Variants in FGF14 observed in about 807,000 individuals in gnomAD.
FGF14 encodes the protein fibroblast growth factor 14, also known as fibroblast growth factor homologous factor 4.
A neutral mutation model predicts 25.5 loss-of-function variants in FGF14; 5 were observed. The observed-to-expected ratio is 0.20, with a 90% CI of 0.10 to 0.41. FGF14 has a LOEUF of 0.41. Among genes scored for constraint, FGF14 ranks in the 10% least tolerant of loss-of-function variants. The probability of loss-of-function intolerance (pLI) is 1.00; values close to 1 mark genes in which losing one functional copy is unlikely to be tolerated. For missense variants in FGF14, 222 were observed against 320.1 expected (o/e 0.69, Z 2.34); for synonymous variants, 138 against 118.3 (o/e 1.17, Z -1.08).
chr13:101,893,924 C>A lies in FGF14; in HGVS notation c.194-18628G>T, dbSNP rs115075121. 9.7e-3 allele frequency among the ~76,000 whole-genome samples: 1,483 copies of A among 152,134 alleles called. 29 individuals carry two copies. The highest frequency in any genetic ancestry group is 0.034 in the African/African-American group (1,413 of 41,490). On this transcript the variant is annotated intron_variant, in intron 1 of 4. Transcript: ENST00000376143. ...ATTCTTAGCATCTCATGGGGAGGGT[C>A]TGTGTTTTCTTTGACTCCCAGAGGC... is the stretch of plus-strand genomic sequence containing the variant.
At chr13:102,324,004 T>C (rs2056337694) in intron 1 of FGF14, among the ~76,000 whole-genome samples, 1 of 148,186 alleles carries the variant, frequency 6.7e-6, no homozygotes, top group African/African-American at 2.5e-5. Context: ...TGTGTGTGTG[T>C]GTTGCTGTAC....
intron 1 of FGF14, among the ~76,000 whole-genome samples, chr13:102,001,059 A>T (rs990395711): frequency 6.6e-6 from 1 of 152,152 alleles, no homozygotes; most frequent in Non-Finnish European, 1.5e-5. Flanking sequence ...GGAAACAGAG[A>T]GCATAAATAG....
intron 1 of FGF14, among the ~76,000 whole-genome samples, chr13:102,381,276 T>C (rs879272194): frequency 6.6e-6 from 1 of 152,312 alleles, no homozygotes; most frequent in Non-Finnish European, 1.5e-5. Context: ...GTGTTTGCTG[T>C]GGTCTAAATG....
chr13:101,780,906 C>T (rs2039449071), intron 3 of FGF14, among the ~76,000 whole-genome samples: 1 of 152,094 alleles, frequency 6.6e-6, no homozygotes, highest in African/African-American at 2.4e-5. Context: ...GCTCTAAGAG[C>T]TCCAGTGTCT....
At chr13:102,209,554 G>C (rs984455904) in intron 1 of FGF14, among the ~76,000 whole-genome samples, 1 of 152,220 alleles carries the variant, frequency 6.6e-6, no homozygotes, top group African/African-American at 2.4e-5. Context: ...GGGCCAGGCA[G>C]GTCCCTTTGG....
chr13:101,720,528 C>CTG lies in FGF14; in HGVS notation c.*2302_*2303insCA, dbSNP rs1491358179. The CTG allele has an allele frequency of 3.5e-3, 329 of 92,738 alleles. No individual in the cohort carries two copies. The highest frequency in any genetic ancestry group is 0.015 in the African/African-American group (319 of 21,272). The allele number at this position is 92,738 out of a possible 1,614,324, so 5.7% of individuals were successfully genotyped here. On this transcript the variant is annotated 3_prime_UTR_variant, in exon 5 of 5. Transcript: ENST00000376143. The stretch of plus-strand genomic sequence containing the variant: ...AGTAACAAATAGATGGGGGTGTTTG[C>CTG]TCTGTGTGTGTGTGTGTGTGTGTGT...
intron 1 of FGF14, among the ~76,000 whole-genome samples, chr13:101,960,481 T>C (rs1489726511): frequency 6.6e-6 from 1 of 152,148 alleles, no homozygotes; most frequent in African/African-American, 2.4e-5. Flanking sequence ...CTGAGGATAA[T>C]GGCTTCTAGC....
At chr13:102,030,740 A>C (rs1310884483) in intron 1 of FGF14, among the ~76,000 whole-genome samples, 1 of 152,014 alleles carries the variant, frequency 6.6e-6, no homozygotes, top group Admixed American at 6.6e-5. Context: ...CCTAGAGGAA[A>C]GGTGGCTGTG....
chr13:102,230,375 C>G (rs2051024915), intron 1 of FGF14, among the ~76,000 whole-genome samples: 1 of 152,194 alleles, frequency 6.6e-6, no homozygotes, highest in Admixed American at 6.5e-5. Flanking sequence ...AACCTTTGTC[C>G]TTAAGGAGCT....
rs183270314 is a variant in FGF14 at position 102,202,766 on chromosome 13, G to A, written c.208+198705C>T. On this transcript the variant is annotated intron_variant, in intron 1 of 4. Transcript: ENST00000376131. The stretch of plus-strand genomic sequence containing the variant: ...ATTTGCAGAGAAGTGCTATCCTTAC[G>A]TAGTAGACAATTTGGTAAAATGTCC... 5.9e-5 allele frequency among the ~76,000 whole-genome samples: 9 copies of A among 152,216 alleles called. No individual in the cohort carries two copies. The South Asian group carries it at 6.2e-4, about 11-fold the overall frequency.
At chr13:101,918,540 C>T (rs977610107), upstream of FGF14, among the ~76,000 whole-genome samples, 1 of 152,234 alleles carries the variant, frequency 6.6e-6, no homozygotes. Flanking sequence ...GGGAGCAGTT[C>T]TCAACCAAAA....
intron 1 of FGF14, among the ~76,000 whole-genome samples, chr13:102,321,464 C>T (rs1002494862): frequency 6.6e-6 from 1 of 152,064 alleles, no homozygotes; most frequent in Admixed American, 6.6e-5. Context: ...TAATGCTTCC[C>T]AGGGTCATTA....
chr13:102,320,583 T>G (rs2056207518), intron 1 of FGF14, among the ~76,000 whole-genome samples: 1 of 152,128 alleles, frequency 6.6e-6, no homozygotes, highest in Admixed American at 6.6e-5. Flanking sequence ...CATACAGTCT[T>G]AAAGGAAAGG....
chr13:101,906,718 T>A (rs1272346255), intron 1 of FGF14, among the ~76,000 whole-genome samples: 1 of 152,188 alleles, frequency 6.6e-6, no homozygotes, highest in Non-Finnish European at 1.5e-5. Context: ...AATTGCCAGC[T>A]CTTTGCCATT....
At chr13:102,166,329 TTAAA>T (rs1306652173) in intron 1 of FGF14, among the ~76,000 whole-genome samples, 1 of 152,152 alleles carries the variant, frequency 6.6e-6, no homozygotes, top group Non-Finnish European at 1.5e-5. Flanking sequence ...AAGTAATCTA[TTAAA>T]TAGATTTATT....
chr13:102,179,784 A>G (rs116698798), intron 1 of FGF14, among the ~76,000 whole-genome samples: 2,397 of 152,272 alleles, frequency 0.016, 57 homozygotes, highest in African/African-American at 0.053. Context: ...CTCCAAATAT[A>G]TAACTAAAAT....
chr13:102,072,770 A>G (rs752589537), intron 1 of FGF14, among the ~76,000 whole-genome samples: 1 of 152,228 alleles, frequency 6.6e-6, no homozygotes, highest in Non-Finnish European at 1.5e-5. Flanking sequence ...TGATAGAAAA[A>G]GAAAAACAAA....
intron 1 of FGF14, among the ~76,000 whole-genome samples, chr13:102,127,002 G>A (rs545633362): frequency 6.6e-6 from 1 of 152,298 alleles, no homozygotes; most frequent in African/African-American, 2.4e-5. Context: ...AGCTGAGTAA[G>A]TAACTGCAGG....
In FGF14 at chr13:101,721,653, A is replaced by AAAGT. The variant is rs1330453907; in HGVS notation, c.*1174_*1177dup. 6.6e-6 allele frequency: 1 copy of AAAGT among 151,986 alleles called. No homozygotes were observed. Among genetic ancestry groups the AAAGT allele is most frequent in the Non-Finnish European group, 1.5e-5 (1 of 68,020 alleles). 9.4% of individuals were successfully genotyped at this position (151,986 alleles called of 1,614,324 possible). A position where few individuals can be genotyped will look rare whatever the true frequency, so the allele number is the denominator to read the frequency against. ...CTTGTCATTAAACACCAAAAATATT[A>AAAGT]AAGTCTAATTAATTTATAACTAACG... On this transcript the variant is annotated 3_prime_UTR_variant, in exon 5 of 5. Transcript: ENST00000376143.
Sources: allele counts gnomAD v4.1 joint callset (sites outside exome capture counted in the v4.1 genomes callset), GRCh38; gene constraint gnomAD v4.1.1; transcripts MANE v1.5; gene names NCBI Gene and HGNC (gene_info 2026-07-23, HGNC 2026-07-21).